The following LINGO2 variants were observed in gnomAD, a reference collection of about 807,000 sequenced individuals.
The protein encoded by LINGO2 is leucine-rich repeat and immunoglobulin-like domain-containing nogo receptor-interacting protein 2.
A neutral mutation model predicts 30.6 loss-of-function variants in LINGO2; 14 were observed. That is an observed-to-expected ratio of 0.46 (90% confidence interval 0.30 to 0.72). LINGO2 has a LOEUF of 0.72. LINGO2 is among the 30% of genes least tolerant of loss of function. The pLI is 0.07. For missense variants in LINGO2, 729 were observed against 751.7 expected (o/e 0.97, Z 0.35); for synonymous variants, 317 against 288.5 (o/e 1.10, Z -1.00).
At chr9:28,183,825 G>T (rs568492969) in intron 4 of LINGO2, among the ~76,000 whole-genome samples, 76 of 152,320 alleles carry the variant, frequency 5.0e-4, no homozygotes, top group Non-Finnish European at 1.0e-3. Context: ...TAAGGCCCAA[G>T]AAGACAAGGT....
chr9:28,828,805 T>C, the LINGO2 span, among the ~76,000 whole-genome samples: 2 of 152,116 alleles, frequency 1.3e-5, no homozygotes. Context: ...GAAAACTGCC[T>C]TCAAGTACTA....
chr9:28,730,504 G>C, the LINGO2 span, among the ~76,000 whole-genome samples: 2 of 152,142 alleles, frequency 1.3e-5, no homozygotes, highest in Non-Finnish European at 2.9e-5. Context: ...CCATCTAAAA[G>C]GATGAGAAGC....
the LINGO2 span, among the ~76,000 whole-genome samples, chr9:28,715,757 C>A: frequency 2.8e-4 from 42 of 152,134 alleles, 1 homozygote; most frequent in African/African-American, 9.6e-4. Context: ...GAAAAGGAAT[C>A]TTTCAGAAGA....
the LINGO2 span, among the ~76,000 whole-genome samples, chr9:29,192,153 T>C: frequency 6.6e-6 from 1 of 152,188 alleles, no homozygotes; most frequent in Non-Finnish European, 1.5e-5. Context: ...ATTAGGGTTG[T>C]CAAATTTATT....
At chr9:28,823,224 T>A in the LINGO2 span, among the ~76,000 whole-genome samples, 2 of 152,116 alleles carry the variant, frequency 1.3e-5, no homozygotes, top group Non-Finnish European at 2.9e-5. Context: ...GTGTCAAATG[T>A]TAGCAGTAGG....
chr9:28,406,099 G>A (rs569977958), intron 2 of LINGO2, among the ~76,000 whole-genome samples: 9 of 151,756 alleles, frequency 5.9e-5, no homozygotes, highest in Non-Finnish European at 1.2e-4. Context: ...TTGACATATC[G>A]TTGTTCATTG....
chr9:28,641,507 G>C (rs929704019), intron 1 of LINGO2, among the ~76,000 whole-genome samples: 1 of 152,124 alleles, frequency 6.6e-6, no homozygotes, highest in Non-Finnish European at 1.5e-5. Flanking sequence ...TGCTGTAGCT[G>C]AATGTACAAG....
chr9:28,675,491 A>C, the LINGO2 span, among the ~76,000 whole-genome samples: 1 of 152,144 alleles, frequency 6.6e-6, no homozygotes, highest in Non-Finnish European at 1.5e-5. Flanking sequence ...ATTAAAATGC[A>C]ATATAATCTG....
chr9:27,982,062 C>T (rs1820906473), intron 5 of LINGO2, among the ~76,000 whole-genome samples: 1 of 151,680 alleles, frequency 6.6e-6, no homozygotes, highest in African/African-American at 2.4e-5. Flanking sequence ...CTTTTCCTTC[C>T]CTCATGAAAT....
intron 4 of LINGO2, among the ~76,000 whole-genome samples, chr9:28,033,780 G>C (rs962812813): frequency 1.2e-4 from 18 of 152,174 alleles, no homozygotes; most frequent in Non-Finnish European, 7.3e-5. Flanking sequence ...AAATTCGTTA[G>C]GAAGACAGAA....
At chr9:28,368,792 T>G (rs1170041588) in intron 3 of LINGO2, among the ~76,000 whole-genome samples, 23 of 139,246 alleles carry the variant, frequency 1.7e-4, no homozygotes, top group Admixed American at 7.9e-4. Flanking sequence ...GAGACGGGGT[T>G]TCACCGTGTT....
At chr9:28,025,537 T>C (rs1336859863) in intron 4 of LINGO2, among the ~76,000 whole-genome samples, 1 of 152,138 alleles carries the variant, frequency 6.6e-6, no homozygotes, top group Non-Finnish European at 1.5e-5. Flanking sequence ...ATTTTTTCCT[T>C]CCAAAGCATA....
intron 4 of LINGO2, among the ~76,000 whole-genome samples, chr9:28,272,882 C>A (rs1822990625): frequency 6.6e-6 from 1 of 152,144 alleles, no homozygotes; most frequent in South Asian, 2.1e-4. Context: ...CAGGTACCCC[C>A]ATCTTCTCCT....
the LINGO2 span, among the ~76,000 whole-genome samples, chr9:28,933,331 CTT>C: frequency 6.6e-6 from 1 of 152,212 alleles, no homozygotes; most frequent in Non-Finnish European, 1.5e-5. Flanking sequence ...AACCAAAACT[CTT>C]TTGCAAACTC....
At chr9:28,253,784 T>C (rs1348512414) in intron 4 of LINGO2, among the ~76,000 whole-genome samples, 1 of 151,982 alleles carries the variant, frequency 6.6e-6, no homozygotes, top group Admixed American at 6.6e-5. Context: ...GGGATCACAA[T>C]AGTCTAGCCT....
intron 3 of LINGO2, among the ~76,000 whole-genome samples, chr9:28,309,591 A>C (rs1008504712): frequency 6.6e-6 from 1 of 152,098 alleles, no homozygotes; most frequent in Admixed American, 6.6e-5. Flanking sequence ...ATAATAATAA[A>C]AAAAAACAAA....
At chr9:28,521,758 A>G (rs1377011121) in intron 1 of LINGO2, among the ~76,000 whole-genome samples, 4 of 152,178 alleles carry the variant, frequency 2.6e-5, no homozygotes, top group Admixed American at 1.3e-4. Flanking sequence ...AGATATAATC[A>G]AGTTCAGATG....
chr9:27,948,942 A>G lies in LINGO2; in HGVS notation c.1730T>C (p.Ile577Thr), dbSNP rs772866502. The change falls in exon 6 of 6, where the codon ATT (isoleucine) becomes ACT (threonine). Residue 577 changes from isoleucine to threonine, a missense_variant. Physicochemically the swap from Ile to Thr is moderately conservative, Grantham distance 89 (BLOSUM62 -1). Transcript: ENST00000379992. ...TTTTCTGGGCACATACTCAAGGTCA[A>G]TGCTGTTTTTGTGCTTGCCTTTCCC... 14 of 1,613,822 alleles carry G rather than the reference A, an allele frequency of 8.7e-6. No homozygotes were observed. Among genetic ancestry groups the G allele is most frequent in the East Asian group, 2.2e-5 (1 of 44,840 alleles).
At chr9:28,041,389 CTT>C (rs1456841103) in intron 4 of LINGO2, among the ~76,000 whole-genome samples, 4 of 152,118 alleles carry the variant, frequency 2.6e-5, no homozygotes, top group Admixed American at 6.5e-5. Flanking sequence ...GCTTGGAACT[CTT>C]TACCTGTGTG....
Sources: allele counts gnomAD v4.1 joint callset (sites outside exome capture counted in the v4.1 genomes callset), GRCh38; gene constraint gnomAD v4.1.1; transcripts MANE v1.5; gene names NCBI Gene and HGNC (gene_info 2026-07-23, HGNC 2026-07-21).